ERC2: variants seen among roughly 807,000 people sequenced by gnomAD.
ERC2 encodes ELKS/RAB6-interacting/CAST family member 2, also known as ERC protein 2.
ERC2 carries 42 observed loss-of-function variants against 114.8 expected under a neutral mutation model. The observed-to-expected ratio is 0.37, with a 90% CI of 0.29 to 0.47. The LOEUF (loss-of-function observed/expected upper bound fraction) is 0.47, where lower values mean the gene tolerates loss of function less well. Ranked by LOEUF, ERC2 falls within the 20% of genes least tolerant of loss-of-function variation. ERC2 has a pLI of 0.99. For missense variants in ERC2, 939 were observed against 1,150.7 expected (o/e 0.82, Z 2.66); for synonymous variants, 454 against 425.5 (o/e 1.07, Z -0.82).
intron 8 of ERC2, among the ~76,000 whole-genome samples, chr3:56,011,434 T>C (rs997434983): frequency 3.3e-5 from 5 of 151,954 alleles, no homozygotes; most frequent in African/African-American, 9.7e-5. Context: ...GCCTCCCACA[T>C]CCCAGGCTCT....
chr3:55,858,117 A>G (rs1453033763), intron 14 of ERC2, among the ~76,000 whole-genome samples: 1 of 152,222 alleles, frequency 6.6e-6, no homozygotes, highest in African/African-American at 2.4e-5. Flanking sequence ...ACACATAGAC[A>G]CATATGCCAT....
intron 12 of ERC2, among the ~76,000 whole-genome samples, chr3:55,952,182 CT>C (rs2067617465): frequency 1.4e-5 from 1 of 71,482 alleles, no homozygotes; most frequent in East Asian, 3.3e-4. Context: ...CACACACACT[CT>C]CTCTCTCTCT....
At chr3:56,006,247 T>C (rs2072481317) in intron 10 of ERC2, among the ~76,000 whole-genome samples, 1 of 152,092 alleles carries the variant, frequency 6.6e-6, no homozygotes, top group Non-Finnish European at 1.5e-5. Context: ...GTATATTAAA[T>C]TTTAAGATAT....
chr3:56,008,363 T>C (rs112292998), intron 9 of ERC2, among the ~76,000 whole-genome samples: 332 of 152,280 alleles, frequency 2.2e-3, no homozygotes, highest in African/African-American at 7.8e-3. Flanking sequence ...AAACTGAGGC[T>C]CACAAGAGCT....
At chr3:55,997,880 G>GTTT (rs869077498) in intron 10 of ERC2, among the ~76,000 whole-genome samples, 1 of 44,786 alleles carries the variant, frequency 2.2e-5, no homozygotes, top group African/African-American at 8.8e-5. Flanking sequence ...TCTTAATTCT[G>GTTT]TTTTTTTTTT....
chr3:56,032,141 G>C (rs2074413455), intron 7 of ERC2, among the ~76,000 whole-genome samples: 2 of 152,176 alleles, frequency 1.3e-5, no homozygotes, highest in Admixed American at 1.3e-4. Flanking sequence ...AAAAGTGGAA[G>C]CAGCCTGAAG....
chr3:56,426,802 A>G (rs1559486476), intron 2 of ERC2, among the ~76,000 whole-genome samples: 1 of 152,162 alleles, frequency 6.6e-6, no homozygotes. Context: ...TTTTTAAGCC[A>G]TAGGTTTTGA....
intron 13 of ERC2, among the ~76,000 whole-genome samples, chr3:55,889,942 A>G (rs1231892495): frequency 2.0e-5 from 3 of 152,220 alleles, no homozygotes; most frequent in Non-Finnish European, 4.4e-5. Flanking sequence ...TAAGATTCAG[A>G]AAACCCTTCA....
At chr3:56,423,172 T>A (rs1211399468) in intron 2 of ERC2, among the ~76,000 whole-genome samples, 1 of 152,270 alleles carries the variant, frequency 6.6e-6, no homozygotes, top group Non-Finnish European at 1.5e-5. Flanking sequence ...CACACAATGA[T>A]GAATCATGTT....
At chr3:55,673,190 G>A (rs773225160) in intron 17 of ERC2, among the ~76,000 whole-genome samples, 13 of 152,110 alleles carry the variant, frequency 8.5e-5, no homozygotes, top group African/African-American at 1.9e-4. Context: ...ATCATGTTTC[G>A]GATCAGCTGG....
chr3:55,950,700 A>T (rs1255779544), intron 12 of ERC2, 140 bp from the exon 13 acceptor site: 16 of 949,708 alleles, frequency 1.7e-5, no homozygotes, highest in Non-Finnish European at 2.2e-5. Context: ...TAATCCATTC[A>T]TTCAACTACA....
chr3:56,411,552 G>C (rs2060941237), intron 2 of ERC2, among the ~76,000 whole-genome samples: 1 of 151,956 alleles, frequency 6.6e-6, no homozygotes, highest in Non-Finnish European at 1.5e-5. Context: ...TCATTCCTCT[G>C]TTAAAGTCAT....
At chr3:56,028,502 A>T (rs1322410077) in intron 7 of ERC2, among the ~76,000 whole-genome samples, 1 of 152,104 alleles carries the variant, frequency 6.6e-6, no homozygotes, top group Non-Finnish European at 1.5e-5. Context: ...AAGTTTCAGC[A>T]TACAGATCCT....
chr3:56,378,315 G>A (rs564443341), intron 2 of ERC2, among the ~76,000 whole-genome samples: 48 of 145,052 alleles, frequency 3.3e-4, no homozygotes, highest in African/African-American at 1.1e-3. Flanking sequence ...GTAAACTATT[G>A]CAAGAATAAA....
At chr3:55,653,428 A>C (rs907795171) in intron 17 of ERC2, among the ~76,000 whole-genome samples, 1 of 152,212 alleles carries the variant, frequency 6.6e-6, no homozygotes, top group African/African-American at 2.4e-5. Flanking sequence ...AATTTTAACA[A>C]AGTATTATAA....
At chr3:55,596,379 C>T (rs537932428) in intron 17 of ERC2, among the ~76,000 whole-genome samples, 1 of 152,166 alleles carries the variant, frequency 6.6e-6, no homozygotes, top group African/African-American at 2.4e-5. Flanking sequence ...CCCAGGAGTT[C>T]AAGACCAGCC....
intron 2 of ERC2, among the ~76,000 whole-genome samples, chr3:56,332,236 G>T (rs759002642): frequency 6.6e-6 from 1 of 152,068 alleles, no homozygotes; most frequent in African/African-American, 2.4e-5. Context: ...AATTGCTTTT[G>T]CTCCATGAGG....
intron 2 of ERC2, among the ~76,000 whole-genome samples, chr3:56,332,328 T>C (rs536885228): frequency 1.3e-5 from 2 of 152,284 alleles, no homozygotes; most frequent in South Asian, 4.1e-4. Context: ...ATAATAATCA[T>C]CATCATAACA....
intron 13 of ERC2, among the ~76,000 whole-genome samples, chr3:55,926,757 T>C (rs1309849023): frequency 6.6e-6 from 1 of 152,118 alleles, no homozygotes; most frequent in African/African-American, 2.4e-5. Flanking sequence ...TGGAGAGTCC[T>C]CCACAGCACT....
Sources: gnomAD v4.1 joint callset for allele counts (sites outside exome capture counted in the v4.1 genomes callset) on GRCh38, gnomAD v4.1.1 for gene constraint, MANE v1.5 for transcripts, NCBI Gene and HGNC (gene_info 2026-07-23, HGNC 2026-07-21) for gene names.